Variants in ABL2 observed in about 807,000 individuals in gnomAD.
ABL2 encodes the protein ABL proto-oncogene 2, non-receptor tyrosine kinase, also known as tyrosine-protein kinase ABL2.
Under a neutral mutation model 107.7 loss-of-function variants are expected in ABL2, and 49 were observed. The ratio of observed to expected loss-of-function variants is 0.45; its 90% CI spans 0.36 to 0.58. The LOEUF (loss-of-function observed/expected upper bound fraction) is 0.58, where lower values mean the gene tolerates loss of function less well. ABL2 is among the 20% of genes least tolerant of loss of function. The pLI, the probability that ABL2 is intolerant of heterozygous loss-of-function variation, is 0.00. For missense variants in ABL2, 1,245 were observed against 1,457.0 expected (o/e 0.85, Z 2.37); for synonymous variants, 549 against 548.6 (o/e 1.00, Z -0.01).
At chr1:179,177,761 T>C (rs1013865685) in intron 1 of ABL2, among the ~76,000 whole-genome samples, 1 of 152,192 alleles carries the variant, frequency 6.6e-6, no homozygotes, top group Non-Finnish European at 1.5e-5. Context: ...ATGAAACCAG[T>C]ATAAAAGTAG....
At chr1:179,187,478 A>G (rs1660737438) in intron 1 of ABL2, among the ~76,000 whole-genome samples, 2 of 152,210 alleles carry the variant, frequency 1.3e-5, no homozygotes, top group South Asian at 2.1e-4. Flanking sequence ...TAATTTGTCA[A>G]AACTGTGCAA....
chr1:179,228,395 T>C (rs1280772831), intron 1 of ABL2, among the ~76,000 whole-genome samples: 2 of 151,894 alleles, frequency 1.3e-5, no homozygotes, highest in African/African-American at 4.8e-5. Flanking sequence ...CAAAAAAAGT[T>C]TGGAGACAAC....
In ABL2 at chr1:179,130,245, C is replaced by G. The variant is rs534293134; in HGVS notation, c.391+1066G>C. 5.8e-4 allele frequency among the ~76,000 whole-genome samples: 88 copies of G among 152,332 alleles called. 1 individual carries two copies. Among genetic ancestry groups the G allele is most frequent in the Admixed American group, 3.1e-3 (47 of 15,294 alleles). ...CGTGAGCCACTGTGCCTGGTCACAC[C>G]TATTCTAATTGAACTGTGGCTAAGA... On this transcript the variant is annotated intron_variant, in intron 3 of 11. Transcript: ENST00000502732.
At position 179,118,450 on chromosome 1, in the gene ABL2, T is replaced by C. The variant is rs190837357; in HGVS notation, c.1223+137A>G. The C allele has an allele frequency of 1.4e-5, 11 of 790,540 alleles. No individual in the cohort carries two copies. In the African/African-American group the frequency reaches 1.6e-4, roughly 11 times the overall value. The allele number at this position is 790,540 out of a possible 1,614,324, so 49.0% of individuals were successfully genotyped here. ...GTAGGTTTACAAGTTAGAAGTGACATTATAATGGGCCCTGTGAAATACAAA... is the reference window on the plus strand; with the variant it reads ...GTAGGTTTACAAGTTAGAAGTGACACTATAATGGGCCCTGTGAAATACAAA... On this transcript the variant is annotated intron_variant, in intron 7 of 11. Coordinates refer to ENST00000502732, the MANE Select transcript of ABL2 (RefSeq NM_007314.4).
chr1:179,176,518 T>A (rs938031350), intron 1 of ABL2, among the ~76,000 whole-genome samples: 12 of 152,114 alleles, frequency 7.9e-5, no homozygotes, highest in Admixed American at 7.2e-4. Flanking sequence ...AAGAAATTGA[T>A]CAAAATCAAT....
chr1:179,223,229 G>C (rs1341135316), intron 1 of ABL2, among the ~76,000 whole-genome samples: 1 of 151,314 alleles, frequency 6.6e-6, no homozygotes, highest in Non-Finnish European at 1.5e-5. Context: ...GCCTGGCCCA[G>C]TACAGCAAGA....
At chr1:179,215,600 G>A (rs1662520096) in intron 1 of ABL2, among the ~76,000 whole-genome samples, 1 of 151,824 alleles carries the variant, frequency 6.6e-6, no homozygotes, top group Non-Finnish European at 1.5e-5. Flanking sequence ...GGTGGCACAT[G>A]CCTGTAATCC....
chr1:179,141,294 GA>G lies in ABL2; in HGVS notation c.158-7921del, dbSNP rs964004304. Among the ~76,000 whole-genome samples, 133 of 145,294 alleles carry G rather than the reference GA, an allele frequency of 9.2e-4. 1 individual carries two copies. Among genetic ancestry groups the G allele is most frequent in the African/African-American group, 2.8e-3 (110 of 39,736 alleles). ...CAATAGAACAAAACCCTGTCTTTAA[GA>G]AAAAAAAAAATTAGATTAATAGGAA... On this transcript the variant is annotated intron_variant, in intron 1 of 11. Transcript: ENST00000502732.
intron 1 of ABL2, among the ~76,000 whole-genome samples, chr1:179,198,746 A>G (rs192512065): frequency 6.6e-6 from 1 of 151,444 alleles, no homozygotes; most frequent in African/African-American, 2.4e-5. Context: ...ATCACACACA[A>G]TTCTGTTTCA....
At chr1:179,130,726 TTGTGTG>T (rs10643666) in intron 3 of ABL2, among the ~76,000 whole-genome samples, 4,450 of 142,780 alleles carry the variant, frequency 0.031, 80 homozygotes, top group Middle Eastern at 0.047. Flanking sequence ...ATTATTGATT[TTGTGTG>T]TGTGTGTGTG....
chr1:179,200,091 G>A (rs1661579092), intron 1 of ABL2, among the ~76,000 whole-genome samples: 1 of 141,726 alleles, frequency 7.1e-6, no homozygotes, highest in Non-Finnish European at 1.5e-5. Context: ...CTGTCTTCCA[G>A]GCTAGAGTGC....
intron 1 of ABL2, among the ~76,000 whole-genome samples, chr1:179,146,973 G>A (rs1055515981): frequency 6.6e-6 from 1 of 151,752 alleles, no homozygotes; most frequent in African/African-American, 2.4e-5. Context: ...TCAGCCCAGA[G>A]ATGGCCTGAG....
chr1:179,121,497 G>GAA lies in ABL2; in HGVS notation c.960+96_960+97dup. ...CTGATGTGCTTGGCACTAGTGGGTG[G>GAA]AAAGTGTTCCAAAGTTAAAGAAGGG... On this transcript the variant is annotated intron_variant, in intron 5 of 11. Coordinates refer to ENST00000502732, the MANE Select transcript of ABL2 (RefSeq NM_007314.4). 3 of 1,477,504 alleles carry GAA rather than the reference G, an allele frequency of 2.0e-6. No individual in the cohort carries two copies. The South Asian group carries it at 3.9e-5, about 19-fold the overall frequency. 91.5% of individuals were successfully genotyped at this position (1,477,504 alleles called of 1,614,324 possible). A position where few individuals can be genotyped will look rare whatever the true frequency, so the allele number is the denominator to read the frequency against.
At chr1:179,123,917 C>T (rs1488275093) in intron 4 of ABL2, among the ~76,000 whole-genome samples, 2 of 152,114 alleles carry the variant, frequency 1.3e-5, no homozygotes, top group African/African-American at 4.8e-5. Flanking sequence ...AGGCATAGGC[C>T]ACCATGCCTA....
chr1:179,163,981 T>A (rs1659233141), intron 1 of ABL2, among the ~76,000 whole-genome samples: 1 of 152,142 alleles, frequency 6.6e-6, no homozygotes, highest in African/African-American at 2.4e-5. Context: ...TCTAGCTCTA[T>A]GACACTGCTG....
At chr1:179,223,764 C>T (rs1475737515) in intron 1 of ABL2, among the ~76,000 whole-genome samples, 1 of 151,974 alleles carries the variant, frequency 6.6e-6, no homozygotes, top group Non-Finnish European at 1.5e-5. Flanking sequence ...CTCACAACAG[C>T]CTTCCTGTGC....
In ABL2 at chr1:179,099,716, A is replaced by G. The variant is rs9662858; in HGVS notation, c.*8002T>C. On this transcript the variant is annotated 3_prime_UTR_variant, in exon 12 of 12. Coordinates refer to ENST00000502732, the MANE Select transcript of ABL2 (RefSeq NM_007314.4). ...GGTATAAACGTTCAACGAGTTTTAA[A>G]GAATTGAATCCGCATGTTTGGGGAC... is the stretch of plus-strand genomic sequence containing the variant. 118,497 of 230,526 alleles carry G rather than the reference A, an allele frequency of 0.51. 30,714 individuals carry two copies. Among genetic ancestry groups the G allele is most frequent in the South Asian group, 0.58 (3,170 of 5,508 alleles). The allele number at this position is 230,526 out of a possible 1,614,324, so 14.3% of individuals were successfully genotyped here. A position where few individuals can be genotyped will look rare whatever the true frequency, so the allele number is the denominator to read the frequency against.
At chr1:179,224,149 A>C (rs1663054960) in intron 1 of ABL2, among the ~76,000 whole-genome samples, 1 of 150,230 alleles carries the variant, frequency 6.7e-6, no homozygotes, top group African/African-American at 2.4e-5. Flanking sequence ...AAAAAAAAAA[A>C]AAAAAAAAAC....
At chr1:179,204,231 TGGC>T (rs1158928805) in intron 1 of ABL2, among the ~76,000 whole-genome samples, 2 of 151,726 alleles carry the variant, frequency 1.3e-5, no homozygotes, top group African/African-American at 4.8e-5. Flanking sequence ...TTTGCCATGT[TGGC>T]CAGGCTGATC....
Sources: gnomAD v4.1 joint callset for allele counts (sites outside exome capture counted in the v4.1 genomes callset) on GRCh38, gnomAD v4.1.1 for gene constraint, MANE v1.5 for transcripts, NCBI Gene and HGNC (gene_info 2026-07-23, HGNC 2026-07-21) for gene names.